ZNF687: variants seen among roughly 807,000 people sequenced by gnomAD.
ZNF687 encodes zinc finger protein 687.
In ZNF687, 13 loss-of-function variants were observed where a neutral mutation model predicts 71.8. The observed-to-expected ratio is 0.18, with a 90% CI of 0.12 to 0.29. ZNF687 has a LOEUF of 0.29. ZNF687 is among the 10% of genes least tolerant of loss of function. ZNF687 has a pLI of 1.00. For missense variants in ZNF687, 1,412 were observed against 1,625.6 expected (o/e 0.87, Z 2.26); for synonymous variants, 673 against 641.6 (o/e 1.05, Z -0.74).
Position 151,290,014 on chromosome 1 carries a change from G to A in ZNF687, c.2964+7G>A, listed in dbSNP as rs1194860287. ...GAAGAAGGAGCATGGCAAGGTGAGT[G>A]GGCCCCAAGGGGAGTACCATGGGCT... On this transcript the variant is annotated splice_region_variant and intron_variant, in intron 6 of 8. Coordinates refer to ENST00000336715, the MANE Select transcript of ZNF687 (RefSeq NM_020832.3). 1 of 1,587,338 alleles carries A rather than the reference G, an allele frequency of 6.3e-7. No homozygotes were observed. Among genetic ancestry groups the A allele is most frequent in the African/African-American group, 1.3e-5 (1 of 74,280 alleles).
rs1324492330 is a variant in ZNF687, at chr1:151,291,426, C to T, written c.*217C>T. The T allele has an allele frequency of 1.8e-6, 1 of 564,760 alleles. No homozygotes were observed. The highest frequency in any genetic ancestry group is 3.0e-6 in the Non-Finnish European group (1 of 328,356). 35.0% of individuals were successfully genotyped at this position (564,760 alleles called of 1,614,324 possible). A position where few individuals can be genotyped will look rare whatever the true frequency, so the allele number is the denominator to read the frequency against. ...GTCCTAGTAGAGTGGACCCTCCATT[C>T]CTCCTTTCTGAGCCCAACACTAATT... On this transcript the variant is annotated 3_prime_UTR_variant, in exon 9 of 9. Coordinates refer to ENST00000336715, the MANE Select transcript of ZNF687 (RefSeq NM_020832.3).
At chr1:151,282,268 A>C, upstream of ZNF687, 4 of 1,011,016 alleles carry the variant, frequency 4.0e-6, no homozygotes, top group Non-Finnish European at 4.8e-6. Context: ...GAGGGAGGAG[A>C]GGGAGTGGGG....
In ZNF687 at chr1:151,291,921, T is replaced by C. The variant is rs1247756661; in HGVS notation, c.*712T>C. 6.6e-6 allele frequency: 1 copy of C among 152,346 alleles called. No individual in the cohort carries two copies. The highest frequency in any genetic ancestry group is 1.5e-5 in the Non-Finnish European group (1 of 68,066). The allele number at this position is 152,346 out of a possible 1,614,324, so 9.4% of individuals were successfully genotyped here. On this transcript the variant is annotated 3_prime_UTR_variant, in exon 9 of 9. Transcript: ENST00000336715. Reference sequence around the variant, plus strand: ...CGAATCTCCATTCAGGCCTCTCTTTTTCTGTGACTTGGACAATGTGGAGTT... The same window carrying C: ...CGAATCTCCATTCAGGCCTCTCTTTCTCTGTGACTTGGACAATGTGGAGTT...
At position 151,283,799 on chromosome 1, in the gene ZNF687, C is replaced by A. The variant is rs947333795; in HGVS notation, c.-18+1404C>A. ...GGGAGGACTCCCCCTTTGGTTTTGC[C>A]CCCACCCCAACCTTGGTCCCAGCAA... On this transcript the variant is annotated intron_variant, in intron 1 of 8. Coordinates refer to ENST00000336715, the MANE Select transcript of ZNF687 (RefSeq NM_020832.3). 5 of 985,026 alleles carry A rather than the reference C, an allele frequency of 5.1e-6. No homozygotes were observed. The African/African-American group carries it at 8.7e-5, about 17-fold the overall frequency. 61.0% of individuals were successfully genotyped at this position (985,026 alleles called of 1,614,324 possible). A position where few individuals can be genotyped will look rare whatever the true frequency, so the allele number is the denominator to read the frequency against.
chr1:151,291,098 C>T lies in ZNF687; in HGVS notation c.3603C>T (p.Thr1201=). 1 of 1,613,608 alleles carries T rather than the reference C, an allele frequency of 6.2e-7. No homozygotes were observed. The change falls in exon 9 of 9, where the codon ACC becomes ACT. Residue 1201 remains threonine, a synonymous_variant. Coordinates refer to ENST00000336715, the MANE Select transcript of ZNF687 (RefSeq NM_020832.3). Reference sequence around the variant, plus strand: ...TGCCTGCTTCTGGAGGCCCACTGACCTGTAAGGTCTGTGGCAAGAGCTGCG... The same window carrying T: ...TGCCTGCTTCTGGAGGCCCACTGACTTGTAAGGTCTGTGGCAAGAGCTGCG... ...SPLPASGGPL[T]CKVCGKSCDS...
chr1:151,289,195 A>G lies in ZNF687; in HGVS notation c.2395A>G (p.Met799Val), dbSNP rs1401586472. The G allele has an allele frequency of 1.9e-6, 3 of 1,614,150 alleles. No individual in the cohort carries two copies. Among genetic ancestry groups the G allele is most frequent in the East Asian group, 2.2e-5 (1 of 44,880 alleles). Reference sequence around the variant, plus strand: ...TTTCCACAAGTGCCCCATCTGCCCCATGGCCTTCAAGTCTGGGCCAAGTGC... The same window carrying G: ...TTTCCACAAGTGCCCCATCTGCCCCGTGGCCTTCAAGTCTGGGCCAAGTGC... ...EVFHKCPICPMAFKSGPSAHA... is the reference protein window; with the variant it reads ...EVFHKCPICPVAFKSGPSAHA... The change falls in exon 4 of 9, where the codon ATG becomes GTG. Residue 799 changes from methionine (M) to valine (V), a missense_variant. Around this residue, in one of 8 missense-constraint regions of ZNF687, gnomAD observed 106 missense variants for 146.0 expected, o/e 0.73. Transcript: ENST00000336715.
Position 151,289,675 on chromosome 1 carries a change from C to A in ZNF687, c.2635-3C>A. ...CAGCAACCTCCCTTGTCTCCTCTCA[C>A]AGAACACCCATCAGTCTGGGCGCTT... On this transcript the variant is annotated splice_polypyrimidine_tract_variant and splice_region_variant and intron_variant, in intron 5 of 8. Transcript: ENST00000336715. The A allele has an allele frequency of 6.3e-7, 1 of 1,576,130 alleles. No homozygotes were observed. The highest frequency in any genetic ancestry group is 8.6e-7 in the Non-Finnish European group (1 of 1,158,770).
chr1:151,288,812 C>T, intron 3 of ZNF687, 106 bp downstream of exon 3: 2 of 1,356,456 alleles, frequency 1.5e-6, no homozygotes, highest in Non-Finnish European at 2.0e-6. Context: ...ATCCCTCAGC[C>T]CTGTTGTTTT....
In ZNF687 at chr1:151,292,144, A is replaced by ACTT. The variant is rs760978637; in HGVS notation, c.*936_*938dup. 3.9e-5 allele frequency: 6 copies of ACTT among 152,328 alleles called. No homozygotes were observed. Among genetic ancestry groups the ACTT allele is most frequent in the South Asian group, 2.1e-4 (1 of 4,834 alleles). 9.4% of individuals were successfully genotyped at this position (152,328 alleles called of 1,614,324 possible). ...AAATGACACAAGTGGCTAACTAAGG[A>ACTT]CTTTATTTCAAACAAAAATTAAAAA... is the stretch of plus-strand genomic sequence containing the variant. On this transcript the variant is annotated 3_prime_UTR_variant, in exon 9 of 9. Coordinates refer to ENST00000336715, the MANE Select transcript of ZNF687 (RefSeq NM_020832.3).
rs371606149 is a variant in ZNF687 at position 151,288,649 on chromosome 1, A to G, written c.2237A>G (p.Asn746Ser). ...PECGGNFLQA[N>S]FQTHLREACL... is the part of the protein sequence containing the mutation. ...TGTGGGGGCAACTTCCTGCAAGCCA[A>G]TTTTCAGACCCATCTCCGGGAGGCC... is the stretch of plus-strand genomic sequence containing the variant. Residue 746 changes from asparagine to serine, a missense_variant, in exon 3 of 9, where the codon AAT (asparagine) becomes AGT (serine). Around this residue, in one of 8 missense-constraint regions of ZNF687, gnomAD observed 207 missense variants for 239.2 expected, o/e 0.87. Coordinates refer to ENST00000336715, the MANE Select transcript of ZNF687 (RefSeq NM_020832.3). 6.2e-7 allele frequency: 1 copy of G among 1,613,940 alleles called. No homozygotes were observed. Among genetic ancestry groups the G allele is most frequent in the Non-Finnish European group, 8.5e-7 (1 of 1,179,942 alleles).
At chr1:151,289,023 T>C (rs587746621) in intron 3 of ZNF687, 72 bp from the exon 4 acceptor site, 1 of 1,511,748 alleles carries the variant, frequency 6.6e-7, no homozygotes, top group East Asian at 2.3e-5. Context: ...TCCCAGAGAA[T>C]AAATGTATGG....
rs781761811 is a variant in ZNF687 at position 151,287,574 on chromosome 1, G to C, written c.1283G>C (p.Gly428Ala). The change falls in exon 2 of 9, where the codon GGG (glycine) becomes GCG (alanine). Residue 428 changes from glycine (G) to alanine (A), a missense_variant. Around this residue, in one of 8 missense-constraint regions of ZNF687, gnomAD observed 133 missense variants for 155.1 expected, o/e 0.86. Coordinates refer to ENST00000336715, the MANE Select transcript of ZNF687 (RefSeq NM_020832.3). This position sits in a 1 kb window ranked among gnomAD's most constrained non-coding sequence, Gnocchi z 5.0. ...SVARKAVVLP[G>A]GTATSPKMIA... ...GCTCGCAAGGCTGTGGTGCTGCCTG[G>C]GGGGACTGCCACCAGCCCTAAGATG... 5 of 1,614,000 alleles carry C rather than the reference G, an allele frequency of 3.1e-6. No homozygotes were observed. The South Asian group carries it at 4.4e-5, about 14-fold the overall frequency.
Position 151,291,323 on chromosome 1 carries a change from G to C in ZNF687, c.*114G>C, listed in dbSNP as rs1453955159. ...TAACATTAATATTTTGTTAATTCCTGTCTCTCCAACCTGAAGAAGAAGAGC... is the reference window on the plus strand; with the variant it reads ...TAACATTAATATTTTGTTAATTCCTCTCTCTCCAACCTGAAGAAGAAGAGC... On this transcript the variant is annotated 3_prime_UTR_variant, in exon 9 of 9. Coordinates refer to ENST00000336715, the MANE Select transcript of ZNF687 (RefSeq NM_020832.3). 2.3e-6 allele frequency: 3 copies of C among 1,311,000 alleles called. No individual in the cohort carries two copies. Among genetic ancestry groups the C allele is most frequent in the African/African-American group, 3.0e-5 (2 of 67,306 alleles). The allele number at this position is 1,311,000 out of a possible 1,614,324, so 81.2% of individuals were successfully genotyped here. A position where few individuals can be genotyped will look rare whatever the true frequency, so the allele number is the denominator to read the frequency against.
chr1:151,291,451 T>TAA lies in ZNF687; in HGVS notation c.*243_*244dup. 1 of 480,084 alleles carries TAA rather than the reference T, an allele frequency of 2.1e-6. No individual in the cohort carries two copies. The highest frequency in any genetic ancestry group is 3.7e-5 in the East Asian group (1 of 26,724). 29.7% of individuals were successfully genotyped at this position (480,084 alleles called of 1,614,324 possible). A position where few individuals can be genotyped will look rare whatever the true frequency, so the allele number is the denominator to read the frequency against. Reference sequence around the variant, plus strand: ...CCTCCTTTCTGAGCCCAACACTAATTAATTTTATGCTCCTGCTGCAGAACC... The same window carrying TAA: ...CCTCCTTTCTGAGCCCAACACTAATTAAAATTTTATGCTCCTGCTGCAGAACC... On this transcript the variant is annotated 3_prime_UTR_variant, in exon 9 of 9. Transcript: ENST00000336715.
rs145603153 is a variant in ZNF687 at position 151,288,211 on chromosome 1, C to A, written c.1920C>A (p.Ile640=). Residue 640 remains isoleucine, a synonymous_variant, in exon 2 of 9, where the codon ATC becomes ATA. Coordinates refer to ENST00000336715, the MANE Select transcript of ZNF687 (RefSeq NM_020832.3). ...CCTTGGGCAAGGGTGAGGGGGCCATCACCTCCTCTGCCATTACTACAGTTG... is the reference window on the plus strand; with the variant it reads ...CCTTGGGCAAGGGTGAGGGGGCCATAACCTCCTCTGCCATTACTACAGTTG... ...LPALGKGEGA[I]TSSAITTVAA... 21 of 1,613,672 alleles carry A rather than the reference C, an allele frequency of 1.3e-5. No homozygotes were observed. Among genetic ancestry groups the A allele is most frequent in the Non-Finnish European group, 2.5e-6 (3 of 1,180,002 alleles).
Position 151,289,860 on chromosome 1 carries a change from T to G in ZNF687, c.2817T>G (p.Arg939=). ...TACCCAGCTCCCCTGAGCCCCCCCG[T>G]CCAGCCAAACGGCCTCGGCGGGAAC... ...EEVPSSPEPP[R]PAKRPRRELG... is the part of the protein sequence containing the mutation. The change falls in exon 6 of 9, where the codon CGT becomes CGG. Residue 939 remains arginine, a synonymous_variant. Transcript: ENST00000336715. The G allele has an allele frequency of 1.3e-6, 2 of 1,567,268 alleles. No homozygotes were observed. The highest frequency in any genetic ancestry group is 2.3e-5 in the South Asian group (2 of 85,940).
upstream of ZNF687, chr1:151,281,688 T>C: frequency 2.2e-6 from 1 of 445,842 alleles, no homozygotes; most frequent in Non-Finnish European, 4.8e-6. Context: ...ATTTAGACGG[T>C]GGGAAGACCG....
At chr1:151,283,432 C>T in intron 1 of ZNF687, 1 of 465,080 alleles carries the variant, frequency 2.2e-6, no homozygotes, top group Non-Finnish European at 2.8e-6. Flanking sequence ...GCCCTAGAGA[C>T]AGGGCTCAGC....
intron 1 of ZNF687, chr1:151,284,255 T>A: frequency 1.0e-6 from 1 of 985,160 alleles, no homozygotes; most frequent in Non-Finnish European, 1.2e-6. Context: ...GCAGCTGTGC[T>A]GGAGAAATGT....
Sources: allele counts gnomAD v4.1 joint callset, GRCh38; gene constraint gnomAD v4.1.1; regional missense constraint gnomAD v4.1.1; non-coding constraint Gnocchi (gnomAD v3.1); transcripts MANE v1.5; gene names NCBI Gene and HGNC (gene_info 2026-07-23, HGNC 2026-07-21).